PRKCB: variants seen among roughly 807,000 people sequenced by gnomAD.
PRKCB encodes the protein protein kinase C beta, also known as protein kinase C beta type.
PRKCB carries 13 observed loss-of-function variants against 81.5 expected under a neutral mutation model. The ratio of observed to expected loss-of-function variants is 0.16; its 90% CI spans 0.10 to 0.25. PRKCB has a LOEUF of 0.25. Ranked by LOEUF, PRKCB falls within the 10% of genes least tolerant of loss-of-function variation. The pLI is 1.00. For synonymous variants in PRKCB, 335 were observed against 321.4 expected (o/e 1.04, Z -0.45); for missense variants, 509 against 875.7 (o/e 0.58, Z 5.29).
chr16:24,126,401 T>G (rs912391290), intron 9 of PRKCB, among the ~76,000 whole-genome samples: 7 of 152,150 alleles, frequency 4.6e-5, no homozygotes, highest in South Asian at 2.1e-4. Context: ...CACTTTTTTT[T>G]TCTTTTTGAG....
intron 16 of PRKCB, among the ~76,000 whole-genome samples, chr16:24,198,913 T>A (rs1967916764): frequency 6.6e-6 from 1 of 152,160 alleles, no homozygotes; most frequent in Non-Finnish European, 1.5e-5. Flanking sequence ...TAGACATCAC[T>A]ACAATGCTCA....
At chr16:24,109,011 G>T (rs1966625850) in intron 7 of PRKCB, among the ~76,000 whole-genome samples, 1 of 149,266 alleles carries the variant, frequency 6.7e-6, no homozygotes, top group Admixed American at 6.6e-5. Flanking sequence ...CCCGGACGGG[G>T]CGGCTGGCCG....
At chr16:24,061,700 T>A (rs1965974710) in intron 5 of PRKCB, among the ~76,000 whole-genome samples, 1 of 152,106 alleles carries the variant, frequency 6.6e-6, no homozygotes, top group Non-Finnish European at 1.5e-5. Flanking sequence ...GTAAAATGTA[T>A]CACTTGCATT....
chr16:24,207,082 C>T (rs751735666), intron 16 of PRKCB, among the ~76,000 whole-genome samples: 11 of 152,130 alleles, frequency 7.2e-5, no homozygotes, highest in African/African-American at 2.2e-4. Flanking sequence ...AGGCATGTGG[C>T]GTCATGCCCT....
intron 5 of PRKCB, among the ~76,000 whole-genome samples, chr16:24,040,948 A>T (rs1965689454): frequency 6.6e-6 from 1 of 152,168 alleles, no homozygotes; most frequent in Non-Finnish European, 1.5e-5. Flanking sequence ...TATTGACATC[A>T]TGATGCCCAT....
intron 16 of PRKCB, among the ~76,000 whole-genome samples, chr16:24,209,710 C>G (rs1968108857): frequency 6.6e-6 from 1 of 152,166 alleles, no homozygotes; most frequent in Non-Finnish European, 1.5e-5. Flanking sequence ...TCATTCTTAA[C>G]TGGATTATCA....
chr16:23,892,381 T>A (rs1303537943), intron 2 of PRKCB, among the ~76,000 whole-genome samples: 1 of 152,206 alleles, frequency 6.6e-6, no homozygotes. Flanking sequence ...ATTTGGTGGA[T>A]TAAATCGTTT....
chr16:23,842,979 G>A (rs927159920), intron 2 of PRKCB, among the ~76,000 whole-genome samples: 2 of 152,016 alleles, frequency 1.3e-5, no homozygotes, highest in East Asian at 1.9e-4. Flanking sequence ...AAATCTTGTA[G>A]TTGAAATTAT....
intron 5 of PRKCB, among the ~76,000 whole-genome samples, chr16:24,062,488 AT>A (rs1250825366): frequency 2.0e-5 from 3 of 152,224 alleles, no homozygotes; most frequent in Non-Finnish European, 4.4e-5. Context: ...GGAGAAACGA[AT>A]TGTTGTTCTT....
chr16:23,890,650 C>T (rs1009532896), intron 2 of PRKCB, among the ~76,000 whole-genome samples: 1 of 152,144 alleles, frequency 6.6e-6, no homozygotes, highest in Non-Finnish European at 1.5e-5. Context: ...TGGTTTCTTC[C>T]TTGCTTTTGT....
intron 9 of PRKCB, among the ~76,000 whole-genome samples, chr16:24,150,191 TGTG>T (rs1967058287): frequency 1.3e-5 from 2 of 152,018 alleles, no homozygotes; most frequent in African/African-American, 4.8e-5. Flanking sequence ...ATTAACCAGG[TGTG>T]GTGGTGGACG....
intron 4 of PRKCB, among the ~76,000 whole-genome samples, chr16:24,034,158 C>A (rs755707439): frequency 6.6e-6 from 1 of 152,182 alleles, no homozygotes; most frequent in Non-Finnish European, 1.5e-5. Context: ...ACACATGGGG[C>A]CCTAATATAG....
intron 5 of PRKCB, among the ~76,000 whole-genome samples, chr16:24,038,163 C>A (rs553962828): frequency 1.8e-4 from 28 of 152,132 alleles, no homozygotes; most frequent in Non-Finnish European, 4.0e-4. Context: ...GCCTGGGTGA[C>A]AGAGCAAGAC....
At chr16:24,156,297 A>G (rs1035454186) in intron 10 of PRKCB, among the ~76,000 whole-genome samples, 5 of 151,574 alleles carry the variant, frequency 3.3e-5, no homozygotes, top group Admixed American at 3.3e-4. Flanking sequence ...TTTTTTCTAA[A>G]TGGGTCTGGC....
At chr16:23,956,266 C>T (rs1010977092) in intron 2 of PRKCB, among the ~76,000 whole-genome samples, 12 of 152,008 alleles carry the variant, frequency 7.9e-5, no homozygotes, top group East Asian at 1.9e-4. Context: ...TACAGGCACG[C>T]GCCACCACGT....
chr16:23,938,909 AAG>A (rs760110074), intron 2 of PRKCB, among the ~76,000 whole-genome samples: 49 of 152,226 alleles, frequency 3.2e-4, no homozygotes, highest in Non-Finnish European at 6.3e-4. Context: ...CATACAAAGA[AAG>A]AAATAAAACT....
chr16:24,114,417 T>C (rs28603301), intron 8 of PRKCB, among the ~76,000 whole-genome samples: 26,312 of 151,698 alleles, frequency 0.17, 3,831 homozygotes, highest in African/African-American at 0.39. Flanking sequence ...AATGACTTCA[T>C]GAAATACCCT....
At chr16:24,100,541 T>C (rs1249289991) in intron 7 of PRKCB, among the ~76,000 whole-genome samples, 2 of 152,158 alleles carry the variant, frequency 1.3e-5, no homozygotes, top group African/African-American at 4.8e-5. Flanking sequence ...CTCCTTCTGC[T>C]GCTGCTGGAA....
intron 10 of PRKCB, among the ~76,000 whole-genome samples, chr16:24,156,821 C>T (rs990074994): frequency 8.5e-5 from 13 of 152,166 alleles, no homozygotes; most frequent in Non-Finnish European, 1.9e-4. Flanking sequence ...TTACCTTCTC[C>T]CTTTTCCATT....
Sources: gnomAD v4.1 joint callset for allele counts (sites outside exome capture counted in the v4.1 genomes callset) on GRCh38, gnomAD v4.1.1 for gene constraint, MANE v1.5 for transcripts, NCBI Gene and HGNC (gene_info 2026-07-23, HGNC 2026-07-21) for gene names.